Variants in ICE1 observed in about 807,000 individuals in gnomAD.
The protein encoded by ICE1 is little elongation complex subunit 1.
A neutral mutation model predicts 192.7 loss-of-function variants in ICE1; 64 were observed. The ratio of observed to expected loss-of-function variants is 0.33; its 90% confidence interval spans 0.27 to 0.41. ICE1 has a LOEUF of 0.41. ICE1 is among the 10% of genes least tolerant of loss of function. The pLI is 1.00. For missense variants in ICE1, 2,708 were observed against 2,696.0 expected, an observed-to-expected ratio of 1.00 and a Z score of -0.10; for synonymous variants, 1,010 against 984.5, an observed-to-expected ratio of 1.03 and a Z score of -0.49.
In ICE1 at chr5:5,429,132, G is replaced by C. The variant is rs1737619458; in HGVS notation, c.84+6133G>C. ...ACATGCCTAATTGCTCCAGTATCGT[G>C]TTGTAACAGTACTTGTGAAGTGTTA... is the stretch of plus-strand genomic sequence containing the variant. On this transcript the variant is annotated intron_variant, in intron 1 of 18. Coordinates refer to ENST00000296564, the MANE Select transcript of ICE1 (RefSeq NM_015325.3). Among the ~76,000 whole-genome samples the C allele has an allele frequency of 1.3e-5, 2 of 152,174 alleles. 1 individual carries two copies. The highest frequency in any genetic ancestry group is 1.3e-4 in the Admixed American group (2 of 15,280).
chr5:5,441,047 A>G (rs1462966046), intron 4 of ICE1, 65 bp from the exon 5 acceptor site: 23 of 976,346 alleles, frequency 2.4e-5, no homozygotes, highest in Non-Finnish European at 3.3e-5. Context: ...TGAAATTATA[A>G]GCACATATAT....
Position 5,473,617 on chromosome 5 carries a change from T to A in ICE1, c.6282T>A (p.Cys2094Ter). Residue 2094 changes from cysteine to a stop codon, truncating the protein, a stop_gained, in exon 16 of 19, where the codon TGT becomes TGA. Transcript: ENST00000296564. LOFTEE classifies it high-confidence loss of function. ...AGCTGCTTTTGACCATACAGTTATGTCCAAAAACAGAATTTCAACCTAGTG... is the reference window on the plus strand; with the variant it reads ...AGCTGCTTTTGACCATACAGTTATGACCAAAAACAGAATTTCAACCTAGTG... ...VSKLLLTIQL[C>*]PKTEFQPSEK... 1 of 1,613,638 alleles carries A rather than the reference T, an allele frequency of 6.2e-7. No homozygotes were observed. The highest frequency in any genetic ancestry group is 8.5e-7 in the Non-Finnish European group (1 of 1,179,808).
chr5:5,466,392 C>G lies in ICE1; in HGVS notation c.5951C>G (p.Ser1984Cys), dbSNP rs1738985568. The G allele has an allele frequency of 1.2e-6, 2 of 1,613,346 alleles. No homozygotes were observed. The highest frequency in any genetic ancestry group is 1.7e-6 in the Non-Finnish European group (2 of 1,179,624). Residue 1984 changes from serine to cysteine, a missense_variant, in exon 14 of 19, where the codon TCT becomes TGT. By Grantham distance (112) the Ser-to-Cys change is moderately radical. Coordinates refer to ENST00000296564, the MANE Select transcript of ICE1 (RefSeq NM_015325.3). The stretch of plus-strand genomic sequence containing the variant: ...TCAGAACTAAAAATTCAGAAGATAT[C>G]TATGGACCACAATTACATTCACGCC... ...ILSELKIQKI[S>C]MDHNYIHALC... is the part of the protein sequence containing the mutation.
intron 12 of ICE1, 52 bp from the exon 13 acceptor site, chr5:5,460,384 C>A: frequency 9.4e-7 from 1 of 1,065,918 alleles, no homozygotes; most frequent in South Asian, 1.7e-5. Context: ...AATTGATAGT[C>A]ATGTTAATCT....
intron 1 of ICE1, among the ~76,000 whole-genome samples, chr5:5,429,544 G>C (rs1737635733): frequency 6.6e-6 from 1 of 152,234 alleles, no homozygotes; most frequent in Non-Finnish European, 1.5e-5. Flanking sequence ...CAGTAGTGCT[G>C]AAGTTAAGAA....
chr5:5,430,667 G>C (rs1353977326), intron 1 of ICE1, among the ~76,000 whole-genome samples: 2 of 152,142 alleles, frequency 1.3e-5, no homozygotes, highest in African/African-American at 4.8e-5. Flanking sequence ...TGCTGACTTT[G>C]GGAGGTGAGG....
rs1738917140 is a variant in ICE1 at position 5,464,493 on chromosome 5, C to T, written c.5159C>T (p.Thr1720Met). 10 of 1,613,938 alleles carry T rather than the reference C, an allele frequency of 6.2e-6. No individual in the cohort carries two copies. Among genetic ancestry groups the T allele is most frequent in the Non-Finnish European group, 8.5e-6 (10 of 1,179,872 alleles). Residue 1720 changes from threonine to methionine, a missense_variant, in exon 13 of 19, where the codon ACG becomes ATG. By Grantham distance (81) the Thr-to-Met change is moderately conservative. Around this residue, in one of 2 missense-constraint regions of ICE1, gnomAD observed 2,366 missense variants for 2,276.6 expected, o/e 1.04. Transcript: ENST00000296564. This position sits in a 1 kb window ranked among gnomAD's most constrained non-coding sequence, Gnocchi z 4.0. The stretch of plus-strand genomic sequence containing the variant: ...TCTCCTCTGCAGTTCTGTGCGGCCA[C>T]GCCGAAGCACGCACTTCCTGTGCCT... ...VPSPLQFCAA[T>M]PKHALPVPGR...
At chr5:5,424,762 G>A (rs965567749) in intron 1 of ICE1, among the ~76,000 whole-genome samples, 6 of 152,178 alleles carry the variant, frequency 3.9e-5, no homozygotes, top group African/African-American at 1.4e-4. Flanking sequence ...AGAAATCTTG[G>A]AAGAAAAGTC....
chr5:5,463,269 C>T lies in ICE1; in HGVS notation c.3935C>T (p.Ser1312Leu), dbSNP rs762653076. The change falls in exon 13 of 19, where the codon TCA (serine) becomes TTA (leucine). Residue 1312 changes from serine (S) to leucine (L), a missense_variant. Ser to Leu is a moderately radical substitution (Grantham distance 145). Around this residue, in one of 2 missense-constraint regions of ICE1, gnomAD observed 2,366 missense variants for 2,276.6 expected, o/e 1.04. Transcript: ENST00000296564. ...KSPFRETTGS[S>L]SHASEPTPQA... ...CCATTTCGGGAAACGACTGGCTCCT[C>T]ATCACATGCTTCAGAACCAACCCCA... is the stretch of plus-strand genomic sequence containing the variant. The T allele has an allele frequency of 5.3e-5, 86 of 1,613,360 alleles. No homozygotes were observed. The highest frequency in any genetic ancestry group is 6.2e-5 in the Non-Finnish European group (73 of 1,179,736).
intron 18 of ICE1, among the ~76,000 whole-genome samples, chr5:5,488,543 TTATC>T (rs1345208861): frequency 2.0e-5 from 3 of 152,210 alleles, no homozygotes; most frequent in African/African-American, 4.8e-5. Context: ...TTAACCTAAA[TTATC>T]TAAGTAAATG....
At chr5:5,469,021 A>G in intron 15 of ICE1, 33 bp downstream of exon 15, 1 of 1,360,756 alleles carries the variant, frequency 7.3e-7, no homozygotes, top group Non-Finnish European at 9.8e-7. Flanking sequence ...ACAGTATCTT[A>G]CTTTTAGATA....
chr5:5,454,548 A>C lies in ICE1; in HGVS notation c.605-4A>C. 6.2e-7 allele frequency: 1 copy of C among 1,610,850 alleles called. No homozygotes were observed. Among genetic ancestry groups the C allele is most frequent in the Non-Finnish European group, 8.5e-7 (1 of 1,177,556 alleles). On this transcript the variant is annotated splice_polypyrimidine_tract_variant and splice_region_variant and intron_variant, in intron 10 of 18. Coordinates refer to ENST00000296564, the MANE Select transcript of ICE1 (RefSeq NM_015325.3). ...TGACTTTAATGCTTTGCTCTGTTTCACAGGAAAAGTGAAACTGCTTCTGAA... is the reference window on the plus strand; with the variant it reads ...TGACTTTAATGCTTTGCTCTGTTTCCCAGGAAAAGTGAAACTGCTTCTGAA...
At chr5:5,442,744 G>C (rs1002942309) in intron 5 of ICE1, among the ~76,000 whole-genome samples, 1 of 152,138 alleles carries the variant, frequency 6.6e-6, no homozygotes, top group Non-Finnish European at 1.5e-5. Context: ...AGCTGCTAGG[G>C]TGTATATATC....
intron 12 of ICE1, among the ~76,000 whole-genome samples, chr5:5,459,097 T>A (rs906163982): frequency 2.0e-5 from 3 of 152,096 alleles, no homozygotes; most frequent in Non-Finnish European, 4.4e-5. Context: ...ATGGTCTCGC[T>A]CTCCTGACCT....
At chr5:5,483,133 G>C (rs1012658163) in intron 17 of ICE1, among the ~76,000 whole-genome samples, 2 of 152,040 alleles carry the variant, frequency 1.3e-5, no homozygotes, top group Non-Finnish European at 2.9e-5. Context: ...TGGGATTACA[G>C]GCATGCGCCA....
At chr5:5,439,410 A>G (rs1040373536) in intron 3 of ICE1, among the ~76,000 whole-genome samples, 3 of 152,172 alleles carry the variant, frequency 2.0e-5, no homozygotes, top group African/African-American at 7.2e-5. Context: ...TAAGGTTATC[A>G]AATTACATAA....
At chr5:5,435,896 C>T (rs951882803) in intron 1 of ICE1, among the ~76,000 whole-genome samples, 1 of 152,164 alleles carries the variant, frequency 6.6e-6, no homozygotes, top group African/African-American at 2.4e-5. Context: ...TCTTGAACTC[C>T]TGACCTCAGG....
Position 5,447,459 on chromosome 5 carries a change from C to T in ICE1, c.457C>T (p.Gln153Ter). Residue 153 changes from glutamine to a stop codon, truncating the protein, a stop_gained, in exon 8 of 19, where the codon CAA (glutamine) becomes TAA (stop). Transcript: ENST00000296564. LOFTEE classifies it high-confidence loss of function. ...TGTCAAGCAAACTCAGGACTTCAAG[C>T]AACTGAGAAATGAAAAGAAAATACT... Reference protein sequence around the residue: ...AAVKQTQDFKQLRNEKKILEK... With the variant: ...AAVKQTQDFK 6.4e-7 allele frequency: 1 copy of T among 1,552,770 alleles called. No homozygotes were observed. The highest frequency in any genetic ancestry group is 8.7e-7 in the Non-Finnish European group (1 of 1,147,524).
rs1738836718 is a variant in ICE1 at position 5,462,739 on chromosome 5, C to G, written c.3405C>G (p.Asp1135Glu). ...ATGACTCACAGAAAAATTTAGGAGA[C>G]ACAGATGCTGCTGTAGCCGAGGTGA... ...APDDSQKNLG[D>E]TDAAVAEVRP... The change falls in exon 13 of 19, where the codon GAC becomes GAG. Residue 1135 changes from aspartate (D) to glutamate (E), a missense_variant. Coordinates refer to ENST00000296564, the MANE Select transcript of ICE1 (RefSeq NM_015325.3). 6.2e-7 allele frequency: 1 copy of G among 1,613,796 alleles called. No homozygotes were observed. The highest frequency in any genetic ancestry group is 8.5e-7 in the Non-Finnish European group (1 of 1,179,790).
Sources: gnomAD v4.1 joint callset for allele counts (sites outside exome capture counted in the v4.1 genomes callset) on GRCh38, gnomAD v4.1.1 for gene constraint, gnomAD v4.1.1 regional missense constraint, Gnocchi (gnomAD v3.1) non-coding constraint, MANE v1.5 for transcripts, NCBI Gene and HGNC (gene_info 2026-07-23, HGNC 2026-07-21) for gene names.